The following ABL1 variants were observed in gnomAD, a reference collection of about 807,000 sequenced individuals.
ABL1 encodes the protein tyrosine-protein kinase ABL1.
ABL1 carries 11 observed loss-of-function variants against 94.7 expected under a neutral mutation model. The ratio of observed to expected loss-of-function variants is 0.12; its 90% CI spans 0.07 to 0.19. The LOEUF (loss-of-function observed/expected upper bound fraction) is 0.19, where lower values mean the gene tolerates loss of function less well. ABL1 is among the 10% of genes least tolerant of loss of function. The pLI is 1.00. For missense variants in ABL1, 1,082 were observed against 1,489.4 expected (o/e 0.73, Z 4.50); for synonymous variants, 656 against 622.4 (o/e 1.05, Z -0.80).
chr9:130,879,147 G>C (rs939361311), intron 8 of ABL1, among the ~76,000 whole-genome samples: 3 of 152,198 alleles, frequency 2.0e-5, no homozygotes, highest in Non-Finnish European at 4.4e-5. Context: ...AAAGTGCTGC[G>C]ATTACAGGCG....
Position 130,885,494 on chromosome 9 carries a change from G to A in ABL1, c.3204G>A (p.Val1068=). The A allele has an allele frequency of 1.2e-6, 2 of 1,614,124 alleles. No individual in the cohort carries two copies. The change falls in exon 11 of 11, where the codon GTG becomes GTA. Residue 1068 remains valine (V), a synonymous_variant. Transcript: ENST00000318560. ...EAGKNLYTFC[V]SYVDSIQQMR... ...GCAAAAACCTCTACACGTTCTGCGT[G>A]AGCTATGTGGATTCCATCCAGCAAA...
chr9:130,783,257 T>C (rs972523278), intron 1 of ABL1, among the ~76,000 whole-genome samples: 61 of 152,322 alleles, frequency 4.0e-4, no homozygotes, highest in African/African-American at 1.3e-3. Context: ...GTGTGGAATA[T>C]TAAATCAATT....
At chr9:130,735,967 T>TTG (rs1831736322) in intron 1 of ABL1, among the ~76,000 whole-genome samples, 1 of 122,320 alleles carries the variant, frequency 8.2e-6, no homozygotes, top group Admixed American at 8.2e-5. Context: ...ATATATTTTT[T>TTG]TTTTTTAAGA....
chr9:130,738,475 T>A (rs1831773577), intron 1 of ABL1, among the ~76,000 whole-genome samples: 1 of 152,164 alleles, frequency 6.6e-6, no homozygotes, highest in Non-Finnish European at 1.5e-5. Context: ...ATAGTTTGTG[T>A]GCATGAAGAA....
At chr9:130,810,888 G>A (rs886753855) in intron 1 of ABL1, among the ~76,000 whole-genome samples, 2 of 152,036 alleles carry the variant, frequency 1.3e-5, no homozygotes, top group Admixed American at 6.6e-5. Flanking sequence ...TAAGCAAATT[G>A]CTTAAAACCA....
intron 1 of ABL1, among the ~76,000 whole-genome samples, chr9:130,732,245 G>C (rs775931302): frequency 6.6e-5 from 10 of 152,096 alleles, no homozygotes; most frequent in Non-Finnish European, 8.8e-5. Flanking sequence ...AGAGAGCCAG[G>C]AACAACATAG....
At chr9:130,783,374 C>G (rs538912227) in intron 1 of ABL1, among the ~76,000 whole-genome samples, 7 of 152,274 alleles carry the variant, frequency 4.6e-5, no homozygotes, top group African/African-American at 1.7e-4. Flanking sequence ...GCAGTAATCA[C>G]AAGAGCTTTA....
chr9:130,816,336 T>A (rs184633117), intron 1 of ABL1, among the ~76,000 whole-genome samples: 4 of 152,266 alleles, frequency 2.6e-5, no homozygotes, highest in Non-Finnish European at 4.4e-5. Flanking sequence ...TAATTTTTAT[T>A]TTTTAATTAA....
intron 1 of ABL1, among the ~76,000 whole-genome samples, chr9:130,825,334 G>A (rs573026254): frequency 3.3e-5 from 5 of 152,102 alleles, no homozygotes; most frequent in South Asian, 2.1e-4. Context: ...CAAATGTAAC[G>A]TGATCTCCTA....
At chr9:130,876,888 C>A (rs985404067) in intron 7 of ABL1, among the ~76,000 whole-genome samples, 1 of 146,874 alleles carries the variant, frequency 6.8e-6, no homozygotes, top group Non-Finnish European at 1.5e-5. Flanking sequence ...AGGCGCCCGC[C>A]GCCACACTCG....
At chr9:130,822,288 G>T (rs1046131523) in intron 1 of ABL1, among the ~76,000 whole-genome samples, 2 of 152,140 alleles carry the variant, frequency 1.3e-5, no homozygotes, top group African/African-American at 2.4e-5. Flanking sequence ...CTGTCTTATA[G>T]TAAGTTTATG....
chr9:130,810,517 G>T (rs963359737), intron 1 of ABL1, among the ~76,000 whole-genome samples: 1 of 141,064 alleles, frequency 7.1e-6, no homozygotes, highest in Non-Finnish European at 1.5e-5. Flanking sequence ...AAGATACAGA[G>T]ATGAAAAATA....
chr9:130,858,434 C>T (rs185479799), intron 3 of ABL1, among the ~76,000 whole-genome samples: 8 of 152,230 alleles, frequency 5.3e-5, no homozygotes, highest in Admixed American at 3.9e-4. Context: ...CTTCCCTTGG[C>T]GTCTTGCCTC....
In ABL1 at chr9:130,814,747, G is replaced by A. The variant is rs1484536598; in HGVS notation, c.137-39317G>A. Among the ~76,000 whole-genome samples, 5 of 151,746 alleles carry A rather than the reference G, an allele frequency of 3.3e-5. No individual in the cohort carries two copies. The highest frequency in any genetic ancestry group is 1.2e-4 in the African/African-American group (5 of 41,308). ...AAAAAATTCTCCGGGCGTGGTGGCG[G>A]GCGCCTGTAGTCCCAGCTACTCAGG... On this transcript the variant is annotated intron_variant, in intron 1 of 10. Transcript: ENST00000372348. The surrounding 1 kb of genome is among the most constrained non-coding windows in gnomAD (Gnocchi z 4.4).
At chr9:130,866,455 A>G (rs1310613400) in intron 4 of ABL1, among the ~76,000 whole-genome samples, 4 of 152,044 alleles carry the variant, frequency 2.6e-5, no homozygotes, top group African/African-American at 9.7e-5. Context: ...GCCTTGCCCA[A>G]GCGTCCTTCC....
intron 1 of ABL1, among the ~76,000 whole-genome samples, chr9:130,790,760 C>T (rs1332434483): frequency 1.3e-5 from 2 of 151,868 alleles, no homozygotes; most frequent in Non-Finnish European, 2.9e-5. Context: ...AAGCATGAGC[C>T]ACTGTGTCGG....
intron 1 of ABL1, among the ~76,000 whole-genome samples, chr9:130,777,497 G>A (rs1449370375): frequency 6.7e-6 from 1 of 149,794 alleles, no homozygotes; most frequent in Non-Finnish European, 1.5e-5. Context: ...TCTAGACTAT[G>A]AGCAGGGGAA....
chr9:130,779,443 C>A (rs1273958108), intron 1 of ABL1, among the ~76,000 whole-genome samples: 1 of 152,160 alleles, frequency 6.6e-6, no homozygotes, highest in African/African-American at 2.4e-5. Flanking sequence ...GACATTAGGG[C>A]TTGCTGATTT....
intron 1 of ABL1, among the ~76,000 whole-genome samples, chr9:130,807,695 G>GTTT (rs1201794127): frequency 2.3e-4 from 17 of 73,692 alleles, no homozygotes; most frequent in African/African-American, 3.1e-4. Flanking sequence ...TATATATATA[G>GTTT]TTTTTTTTTT....
Sources: gnomAD v4.1 joint callset for allele counts (sites outside exome capture counted in the v4.1 genomes callset) on GRCh38, gnomAD v4.1.1 for gene constraint, Gnocchi (gnomAD v3.1) non-coding constraint, MANE v1.5 for transcripts, NCBI Gene and HGNC (gene_info 2026-07-23, HGNC 2026-07-21) for gene names.